The following RSF1 variants were observed in gnomAD, a reference collection of about 807,000 sequenced individuals.
The protein encoded by RSF1 is remodeling and spacing factor 1.
A neutral mutation model predicts 145.2 loss-of-function variants in RSF1; 13 were observed. The observed-to-expected ratio is 0.09, with a 90% CI of 0.06 to 0.14. The LOEUF (loss-of-function observed/expected upper bound fraction) is 0.14. RSF1 is among the 10% of genes least tolerant of loss of function. The pLI is 1.00. For synonymous variants in RSF1, 577 were observed against 592.6 expected (o/e 0.97, Z 0.38); for missense variants, 1,517 against 1,718.2 (o/e 0.88, Z 2.07).
the RSF1 span, among the ~76,000 whole-genome samples, chr11:77,853,735 G>T: frequency 6.6e-6 from 1 of 152,074 alleles, no homozygotes; most frequent in South Asian, 2.1e-4. Flanking sequence ...CAGGTGAGGA[G>T]TTCAAGACCA....
chr11:77,818,062 C>T (rs187476953), intron 1 of RSF1, among the ~76,000 whole-genome samples: 146 of 152,264 alleles, frequency 9.6e-4, no homozygotes, highest in South Asian at 6.2e-3. Context: ...CTAAGATCAC[C>T]TTATGATAGG....
upstream of RSF1, chr11:77,821,285 G>T: frequency 5.0e-6 from 1 of 201,974 alleles, no homozygotes; most frequent in East Asian, 1.2e-4. Flanking sequence ...CGAGATGGTG[G>T]AGAGGTTGAG....
chr11:77,695,308 G>A (rs1429605307), intron 7 of RSF1, among the ~76,000 whole-genome samples: 4 of 151,926 alleles, frequency 2.6e-5, no homozygotes, highest in Admixed American at 2.6e-4. Context: ...GATTCTGCTT[G>A]CAACGATTGT....
the RSF1 span, among the ~76,000 whole-genome samples, chr11:77,828,021 C>T: frequency 6.6e-6 from 1 of 152,154 alleles, no homozygotes; most frequent in Admixed American, 6.5e-5. Flanking sequence ...TGCCTGTAAT[C>T]CCAGCACTTT....
At chr11:77,805,014 GTTTA>G (rs1226156048) in intron 1 of RSF1, among the ~76,000 whole-genome samples, 3 of 152,010 alleles carry the variant, frequency 2.0e-5, no homozygotes, top group South Asian at 2.1e-4. Context: ...TTAAACATGT[GTTTA>G]TTTATCTAGA....
intron 1 of RSF1, among the ~76,000 whole-genome samples, chr11:77,772,416 C>T (rs1367319792): frequency 1.3e-5 from 2 of 152,244 alleles, no homozygotes; most frequent in African/African-American, 2.4e-5. Flanking sequence ...TCAAGCGATC[C>T]GCCCATCTTG....
the RSF1 span, among the ~76,000 whole-genome samples, chr11:77,850,162 T>A: frequency 1.3e-5 from 2 of 152,336 alleles, no homozygotes; most frequent in South Asian, 4.1e-4. Context: ...AATTCCTTTT[T>A]CATTAGTTTA....
intron 1 of RSF1, among the ~76,000 whole-genome samples, chr11:77,787,817 T>C (rs949586089): frequency 7.2e-6 from 1 of 139,630 alleles, no homozygotes; most frequent in Non-Finnish European, 1.5e-5. Flanking sequence ...GCATTGCTAA[T>C]GTACCTTCAG....
At chr11:77,680,003 C>A (rs1959814920) in intron 11 of RSF1, among the ~76,000 whole-genome samples, 1 of 152,162 alleles carries the variant, frequency 6.6e-6, no homozygotes, top group Non-Finnish European at 1.5e-5. Flanking sequence ...CTGTTCCTCA[C>A]TAGACATAAT....
intron 1 of RSF1, among the ~76,000 whole-genome samples, chr11:77,777,641 G>C (rs1948356023): frequency 6.6e-6 from 1 of 151,898 alleles, no homozygotes; most frequent in Non-Finnish European, 1.5e-5. Context: ...CCTTTTAAAG[G>C]TTCAGGAAAG....
At chr11:77,864,271 C>T in the RSF1 span, among the ~76,000 whole-genome samples, 13 of 151,856 alleles carry the variant, frequency 8.6e-5, no homozygotes, top group South Asian at 2.7e-3. Flanking sequence ...ATTCTTGGGC[C>T]CATCTCTACT....
At chr11:77,739,553 T>C (rs373392499) in intron 4 of RSF1, 1 of 152,224 alleles carries the variant, frequency 6.6e-6, no homozygotes, top group African/African-American at 2.4e-5. Flanking sequence ...ACACATTTAT[T>C]CTTAGGGAAT....
the RSF1 span, among the ~76,000 whole-genome samples, chr11:77,863,333 C>G: frequency 6.6e-6 from 1 of 152,164 alleles, no homozygotes; most frequent in Admixed American, 6.5e-5. Flanking sequence ...AGCAGCGGGT[C>G]TGTGATGGCG....
chr11:77,739,821 T>C (rs914040247), intron 4 of RSF1, among the ~76,000 whole-genome samples: 8 of 152,236 alleles, frequency 5.3e-5, no homozygotes, highest in African/African-American at 1.9e-4. Flanking sequence ...AAAGATTCTG[T>C]AATAACGGTT....
intron 1 of RSF1, among the ~76,000 whole-genome samples, chr11:77,796,130 A>G (rs748351068): frequency 1.3e-5 from 2 of 152,096 alleles, no homozygotes; most frequent in Non-Finnish European, 2.9e-5. Context: ...AAAAAATAGG[A>G]AAAGAGGGAA....
At chr11:77,815,296 T>C (rs925750903) in intron 1 of RSF1, among the ~76,000 whole-genome samples, 1 of 152,246 alleles carries the variant, frequency 6.6e-6, no homozygotes, top group Non-Finnish European at 1.5e-5. Flanking sequence ...AAAGTGTACA[T>C]TATAATTGCC....
chr11:77,698,432 G>A, intron 7 of RSF1, 55 bp downstream of exon 7: 4 of 1,477,196 alleles, frequency 2.7e-6, no homozygotes, highest in Non-Finnish European at 3.8e-6. Context: ...GGCTGCTCCA[G>A]GCAACCTCAC....
chr11:77,668,992 A>T (rs1292176370), intron 15 of RSF1, among the ~76,000 whole-genome samples: 2 of 152,168 alleles, frequency 1.3e-5, no homozygotes, highest in African/African-American at 2.4e-5. Flanking sequence ...AGGCTTGGAT[A>T]TCTCTAAACA....
At chr11:77,700,629 G>C (rs1960395351) in intron 6 of RSF1, 92 bp downstream of exon 6, 5 of 864,364 alleles carry the variant, frequency 5.8e-6, no homozygotes, top group Non-Finnish European at 8.5e-6. Context: ...TACTTTGTCA[G>C]TTGTCTTTGA....
Sources: gnomAD v4.1 joint callset for allele counts (sites outside exome capture counted in the v4.1 genomes callset) on GRCh38, gnomAD v4.1.1 for gene constraint, MANE v1.5 for transcripts, NCBI Gene and HGNC (gene_info 2026-07-23, HGNC 2026-07-21) for gene names.